AJAP1: variants seen among roughly 807,000 people sequenced by gnomAD.
AJAP1 encodes the protein adherens junction-associated protein 1.
In AJAP1, 5 loss-of-function variants were observed where a neutral mutation model predicts 35.0. That is an observed-to-expected ratio of 0.14 (90% CI 0.07 to 0.30). AJAP1 has a LOEUF of 0.30. Ranked by LOEUF, AJAP1 falls within the 10% of genes least tolerant of loss-of-function variation. The probability of loss-of-function intolerance (pLI) is 1.00; values close to 1 mark genes in which losing one functional copy is unlikely to be tolerated. For missense variants in AJAP1, 586 were observed against 571.0 expected (o/e 1.03, Z -0.27); for synonymous variants, 284 against 249.3 (o/e 1.14, Z -1.31).
At chr1:4,754,093 C>A (rs549227143) in intron 2 of AJAP1, among the ~76,000 whole-genome samples, 16 of 152,258 alleles carry the variant, frequency 1.1e-4, no homozygotes, top group Non-Finnish European at 1.9e-4. Flanking sequence ...GTCCATGGAC[C>A]AATCCTGCCT....
intron 1 of AJAP1, among the ~76,000 whole-genome samples, chr1:4,658,860 G>A (rs1021255235): frequency 7.9e-5 from 12 of 152,182 alleles, no homozygotes; most frequent in Non-Finnish European, 1.2e-4. Flanking sequence ...CTGTCTCTGG[G>A]TCCCTGGAGG....
At position 4,734,198 on chromosome 1, in the gene AJAP1, G is replaced by C. The variant is rs1387604096; in HGVS notation, c.829+21499G>C. 6.6e-6 allele frequency among the ~76,000 whole-genome samples: 1 copy of C among 152,226 alleles called. No individual in the cohort carries two copies. Among genetic ancestry groups the C allele is most frequent in the Non-Finnish European group, 1.5e-5 (1 of 68,040 alleles). ...GTGGAGGAAGAGAGGCACCCGCTCAGATGCTCCTTCTTAGATGAAAGGAGT... is the reference window on the plus strand; with the variant it reads ...GTGGAGGAAGAGAGGCACCCGCTCACATGCTCCTTCTTAGATGAAAGGAGT... On this transcript the variant is annotated intron_variant, in intron 2 of 5. Transcript: ENST00000378191. The surrounding 1 kb of genome is among the most constrained non-coding windows in gnomAD (Gnocchi z 4.3).
At position 4,734,163 on chromosome 1, in the gene AJAP1, C is replaced by G. The variant is rs1351957488; in HGVS notation, c.829+21464C>G. Among the ~76,000 whole-genome samples, 1 of 152,196 alleles carries G rather than the reference C, an allele frequency of 6.6e-6. No homozygotes were observed. The highest frequency in any genetic ancestry group is 1.5e-5 in the Non-Finnish European group (1 of 68,034). Reference sequence around the variant, plus strand: ...CCTGCCAGGGCCCTGAACCCATGCACTTGTTCTGTGTGGAGGAAGAGAGGC... The same window carrying G: ...CCTGCCAGGGCCCTGAACCCATGCAGTTGTTCTGTGTGGAGGAAGAGAGGC... On this transcript the variant is annotated intron_variant, in intron 2 of 5. Transcript: ENST00000378191. This position sits in a 1 kb window ranked among gnomAD's most constrained non-coding sequence, Gnocchi z 4.3.
intron 2 of AJAP1, among the ~76,000 whole-genome samples, chr1:4,761,535 G>A (rs1320722800): frequency 6.6e-6 from 1 of 152,200 alleles, no homozygotes; most frequent in Admixed American, 6.5e-5. Context: ...TTGGCCATCG[G>A]CCATTTCTGT....
At chr1:4,703,568 C>T (rs961960699) in intron 1 of AJAP1, among the ~76,000 whole-genome samples, 1 of 152,216 alleles carries the variant, frequency 6.6e-6, no homozygotes, top group African/African-American at 2.4e-5. Context: ...GCCATTTTCA[C>T]ATCTGAGCTG....
intron 1 of AJAP1, among the ~76,000 whole-genome samples, chr1:4,698,169 C>T (rs915814378): frequency 1.3e-5 from 2 of 152,144 alleles, no homozygotes; most frequent in African/African-American, 2.4e-5. Context: ...GCCGTGCCAG[C>T]GTGTTTCCCC....
rs1325492113 is a variant in AJAP1, at chr1:4,688,792, A to G, written c.30-23108A>G. On this transcript the variant is annotated intron_variant, in intron 1 of 5. Transcript: ENST00000378191. ...GTCTCAAAAAAAAAAAAAAAAAAAA[A>G]AGAAAGGATCGTGATGCCCTTCTTG... is the stretch of plus-strand genomic sequence containing the variant. Among the ~76,000 whole-genome samples, 3 of 138,620 alleles carry G rather than the reference A, an allele frequency of 2.2e-5. No individual in the cohort carries two copies. The East Asian group carries it at 6.3e-4, about 29-fold the overall frequency. The allele number at this position is 138,620 out of a possible 152,430, so 90.9% of individuals were successfully genotyped here. A position where few individuals can be genotyped will look rare whatever the true frequency, so the allele number is the denominator to read the frequency against.
intron 2 of AJAP1, among the ~76,000 whole-genome samples, chr1:4,733,114 T>G (rs1640838039): frequency 5.3e-5 from 8 of 152,096 alleles, no homozygotes. Context: ...CTGCCCCGCC[T>G]CCAACAAAGT....
At chr1:4,697,341 A>G (rs1488080097) in intron 1 of AJAP1, among the ~76,000 whole-genome samples, 9 of 152,252 alleles carry the variant, frequency 5.9e-5, no homozygotes, top group Non-Finnish European at 1.2e-4. Context: ...GGAGAAATCA[A>G]AGGAAGCCAT....
Position 4,782,928 on chromosome 1 carries a change from C to T in AJAP1, c.*443C>T, listed in dbSNP as rs371200826. 297 of 398,242 alleles carry T rather than the reference C, an allele frequency of 7.5e-4. 1 individual carries two copies. The highest frequency in any genetic ancestry group is 2.6e-3 in the East Asian group (74 of 28,052). The allele number at this position is 398,242 out of a possible 1,614,324, so 24.7% of individuals were successfully genotyped here. A position where few individuals can be genotyped will look rare whatever the true frequency, so the allele number is the denominator to read the frequency against. ...GACCCGAAAGGCTCGGCCGCAGAGC[C>T]GGGGCCCAGCGAATCACGCAGAGAA... On this transcript the variant is annotated 3_prime_UTR_variant, in exon 6 of 6. Coordinates refer to ENST00000378191, the MANE Select transcript of AJAP1 (RefSeq NM_018836.4). The surrounding 1 kb of genome is among the most constrained non-coding windows in gnomAD (Gnocchi z 5.3).
At position 4,787,976 on chromosome 1, in the gene AJAP1, A is replaced by G. The variant is rs941855631; in HGVS notation, c.*5491A>G. ...GTGGTTACTTTGGTGCAGTTTGTCA[A>G]TTTGCTCTACCATACTGTTTTTTGA... On this transcript the variant is annotated 3_prime_UTR_variant, in exon 6 of 6. Transcript: ENST00000378191. 1.5e-5 allele frequency: 5 copies of G among 326,872 alleles called. No individual in the cohort carries two copies. The highest frequency in any genetic ancestry group is 4.4e-5 in the Admixed American group (1 of 22,622). 20.2% of individuals were successfully genotyped at this position (326,872 alleles called of 1,614,324 possible).
In AJAP1 at chr1:4,788,627, C is replaced by T. The variant is rs542819907; in HGVS notation, c.*6142C>T. The T allele has an allele frequency of 1.3e-5, 2 of 152,444 alleles. No homozygotes were observed. Among genetic ancestry groups the T allele is most frequent in the Admixed American group, 6.5e-5 (1 of 15,302 alleles). 9.4% of individuals were successfully genotyped at this position (152,444 alleles called of 1,614,324 possible). A position where few individuals can be genotyped will look rare whatever the true frequency, so the allele number is the denominator to read the frequency against. On this transcript the variant is annotated 3_prime_UTR_variant, in exon 6 of 6. Coordinates refer to ENST00000378191, the MANE Select transcript of AJAP1 (RefSeq NM_018836.4). ...TCTCTGCCTGAAACACAAAGCAGCTCCCCTCAGAACAGCCAGCCCGGTGCA... is the reference window on the plus strand; with the variant it reads ...TCTCTGCCTGAAACACAAAGCAGCTTCCCTCAGAACAGCCAGCCCGGTGCA...
intron 5 of AJAP1, among the ~76,000 whole-genome samples, chr1:4,776,867 T>A (rs1345626429): frequency 6.6e-6 from 1 of 152,158 alleles, no homozygotes; most frequent in Non-Finnish European, 1.5e-5. Context: ...CTCAGGTAGG[T>A]CGTCCGCAGA....
At chr1:4,766,079 C>A (rs190600358) in intron 2 of AJAP1, among the ~76,000 whole-genome samples, 31 of 152,332 alleles carry the variant, frequency 2.0e-4, no homozygotes, top group Admixed American at 1.8e-3. Context: ...ATAAGCAGAG[C>A]CACCTTGAGC....
chr1:4,728,983 G>A (rs1640738349), intron 2 of AJAP1, among the ~76,000 whole-genome samples: 1 of 152,170 alleles, frequency 6.6e-6, no homozygotes, highest in Non-Finnish European at 1.5e-5. Flanking sequence ...CTGAGGCTCT[G>A]TAGGGCCTGC....
chr1:4,774,423 G>A lies in AJAP1; in HGVS notation c.1164-4G>A, dbSNP rs547565372. On this transcript the variant is annotated splice_polypyrimidine_tract_variant and splice_region_variant and intron_variant, in intron 4 of 5. Transcript: ENST00000378191. ...GCCAAAGCCCATTTTTCTGTTCACC[G>A]CAGACCCTCCTCTTCTGATCGGCAT... is the stretch of plus-strand genomic sequence containing the variant. The A allele has an allele frequency of 1.7e-5, 27 of 1,614,092 alleles. No homozygotes were observed. The highest frequency in any genetic ancestry group is 1.6e-4 in the Middle Eastern group (1 of 6,062).
intron 2 of AJAP1, among the ~76,000 whole-genome samples, chr1:4,742,496 G>A (rs2100319311): frequency 6.6e-6 from 1 of 152,284 alleles, no homozygotes; most frequent in East Asian, 1.9e-4. Flanking sequence ...CAAGTTGGGA[G>A]CCTGAATGGG....
chr1:4,745,260 C>G (rs1641163111), intron 2 of AJAP1, among the ~76,000 whole-genome samples: 1 of 152,066 alleles, frequency 6.6e-6, no homozygotes, highest in Non-Finnish European at 1.5e-5. Context: ...TGTTTTGGAG[C>G]CCTCCCACCT....
intron 2 of AJAP1, among the ~76,000 whole-genome samples, chr1:4,748,999 A>C (rs980881662): frequency 6.6e-6 from 1 of 152,184 alleles, no homozygotes; most frequent in African/African-American, 2.4e-5. Flanking sequence ...TGAGAACCGC[A>C]GGAGTGGACT....
Sources: allele counts gnomAD v4.1 joint callset (sites outside exome capture counted in the v4.1 genomes callset), GRCh38; gene constraint gnomAD v4.1.1; non-coding constraint Gnocchi (gnomAD v3.1); transcripts MANE v1.5; gene names NCBI Gene and HGNC (gene_info 2026-07-23, HGNC 2026-07-21).